The following DNAJC3 variants were observed in gnomAD, a reference collection of about 807,000 sequenced individuals.
DNAJC3 encodes the protein DnaJ heat shock protein family (Hsp40) member C3.
Under a neutral mutation model 68.6 loss-of-function variants are expected in DNAJC3, and 38 were observed. The observed-to-expected ratio is 0.55, with a 90% CI of 0.43 to 0.73. The LOEUF (loss-of-function observed/expected upper bound fraction) is 0.73, where lower values mean the gene tolerates loss of function less well. DNAJC3 is among the 30% of genes least tolerant of loss of function. The pLI is 0.00. For synonymous variants in DNAJC3, 203 were observed against 204.0 expected, an observed-to-expected ratio of 1.00 and a Z score of 0.04; for missense variants, 526 against 591.9, an observed-to-expected ratio of 0.89 and a Z score of 1.16.
chr13:95,691,533 G>T, intron 1 of DNAJC3, among the ~76,000 whole-genome samples: 1 of 149,960 alleles, frequency 6.7e-6, no homozygotes, highest in East Asian at 2.0e-4. Context: ...TTCCTAGATG[G>T]GATGGCGGCC....
chr13:95,705,778 G>A (rs374698484), intron 1 of DNAJC3, among the ~76,000 whole-genome samples: 1 of 152,124 alleles, frequency 6.6e-6, no homozygotes, highest in African/African-American at 2.4e-5. Context: ...GCCTCAAGCA[G>A]TTCTCCTGCC....
chr13:95,747,046 C>T (rs1882325270), intron 4 of DNAJC3, among the ~76,000 whole-genome samples: 1 of 152,052 alleles, frequency 6.6e-6, no homozygotes, highest in Admixed American at 6.6e-5. Flanking sequence ...AGGCAGTTTT[C>T]CATGAGATCC....
intron 1 of DNAJC3, chr13:95,694,981 A>T (rs917777986): frequency 6.6e-6 from 1 of 152,554 alleles, no homozygotes; most frequent in Non-Finnish European, 1.5e-5. Context: ...ATGAGGCCAA[A>T]TATCATTCTG....
At chr13:95,726,796 T>C (rs1426241533) in intron 4 of DNAJC3, among the ~76,000 whole-genome samples, 1 of 152,236 alleles carries the variant, frequency 6.6e-6, no homozygotes, top group Non-Finnish European at 1.5e-5. Flanking sequence ...TTTGCATTTT[T>C]TATAGTTTAT....
At chr13:95,741,978 G>A (rs1017390320) in intron 4 of DNAJC3, among the ~76,000 whole-genome samples, 6 of 152,182 alleles carry the variant, frequency 3.9e-5, no homozygotes, top group African/African-American at 1.4e-4. Context: ...GGGTAAGGGT[G>A]GGGTGATCCC....
At chr13:95,781,808 TG>T (rs1341997660) in intron 9 of DNAJC3, among the ~76,000 whole-genome samples, 3 of 151,430 alleles carry the variant, frequency 2.0e-5, no homozygotes, top group Admixed American at 6.6e-5. Flanking sequence ...TGTGTGTGTG[TG>T]TTTTTTTTTT....
chr13:95,718,681 A>G (rs1014228146), intron 2 of DNAJC3, among the ~76,000 whole-genome samples: 9 of 152,232 alleles, frequency 5.9e-5, no homozygotes, highest in Non-Finnish European at 1.2e-4. Context: ...TATTACAGGC[A>G]TGAGCCACTG....
At chr13:95,730,984 C>T (rs1198594079) in intron 4 of DNAJC3, among the ~76,000 whole-genome samples, 1 of 152,030 alleles carries the variant, frequency 6.6e-6, no homozygotes, top group Admixed American at 6.6e-5. Context: ...TTTCTTTCAT[C>T]AGTATTTTGT....
intron 4 of DNAJC3, among the ~76,000 whole-genome samples, chr13:95,736,016 A>G (rs1416133363): frequency 6.6e-6 from 1 of 152,106 alleles, no homozygotes; most frequent in African/African-American, 2.4e-5. Context: ...TAAGGAAGGG[A>G]TCCAGTTTCA....
intron 7 of DNAJC3, among the ~76,000 whole-genome samples, chr13:95,762,263 T>TA (rs59576762): frequency 2.0e-5 from 3 of 151,742 alleles, no homozygotes; most frequent in East Asian, 1.9e-4. Context: ...ACTCCGTCTC[T>TA]AAAAAAAATG....
intron 1 of DNAJC3, among the ~76,000 whole-genome samples, chr13:95,699,033 A>T (rs1322345982): frequency 6.6e-6 from 1 of 152,210 alleles, no homozygotes; most frequent in East Asian, 1.9e-4. Context: ...CTGGATTTGA[A>T]GGAAGGTAAG....
intron 4 of DNAJC3, among the ~76,000 whole-genome samples, chr13:95,738,690 A>G (rs1043225180): frequency 5.3e-5 from 8 of 151,796 alleles, no homozygotes; most frequent in African/African-American, 1.7e-4. Context: ...ATCTTCCTCC[A>G]TCCTTTTATT....
At chr13:95,704,729 C>T (rs2139620489) in intron 1 of DNAJC3, among the ~76,000 whole-genome samples, 1 of 152,266 alleles carries the variant, frequency 6.6e-6, no homozygotes, top group Non-Finnish European at 1.5e-5. Flanking sequence ...GTCTCTTTCC[C>T]ACCCATGGTG....
intron 4 of DNAJC3, among the ~76,000 whole-genome samples, chr13:95,726,962 A>G (rs1317506399): frequency 3.0e-4 from 45 of 152,246 alleles, no homozygotes; most frequent in Admixed American, 2.7e-3. Context: ...TGTGGTCTCA[A>G]TAAAATCGGC....
intron 4 of DNAJC3, among the ~76,000 whole-genome samples, chr13:95,729,899 A>G (rs1482281719): frequency 6.6e-6 from 1 of 152,002 alleles, no homozygotes; most frequent in African/African-American, 2.4e-5. Context: ...TATTCTGTAT[A>G]TTAGTTGCTT....
Position 95,760,276 on chromosome 13 carries a change from A to G in DNAJC3, c.728+55A>G, listed in dbSNP as rs185349099. On this transcript the variant is annotated intron_variant, in intron 6 of 11. Transcript: ENST00000602402. ...TTTTTTAATTGTTGGCAGTAAGATT[A>G]CCTCATCTTGTTTTAACATTTTAAT... The G allele has an allele frequency of 1.2e-4, 164 of 1,384,834 alleles. No individual in the cohort carries two copies. The African/African-American group carries it at 2.1e-3, about 17-fold the overall frequency. 85.8% of individuals were successfully genotyped at this position (1,384,834 alleles called of 1,614,324 possible). A position where few individuals can be genotyped will look rare whatever the true frequency, so the allele number is the denominator to read the frequency against.
intron 1 of DNAJC3, among the ~76,000 whole-genome samples, chr13:95,696,982 C>T (rs909124258): frequency 6.6e-6 from 1 of 152,014 alleles, no homozygotes; most frequent in Non-Finnish European, 1.5e-5. Flanking sequence ...ATCCAGTTTG[C>T]CGTTGTATCT....
chr13:95,736,175 A>G (rs1881910704), intron 4 of DNAJC3, among the ~76,000 whole-genome samples: 1 of 152,022 alleles, frequency 6.6e-6, no homozygotes, highest in South Asian at 2.1e-4. Context: ...TGTTCCATTG[A>G]TCTATATCTC....
At chr13:95,773,609 C>G (rs1566511240) in intron 9 of DNAJC3, among the ~76,000 whole-genome samples, 1 of 151,160 alleles carries the variant, frequency 6.6e-6, no homozygotes, top group African/African-American at 2.4e-5. Flanking sequence ...ATAATATTAT[C>G]TTATTATTTA....
Sources: gnomAD v4.1 joint callset for allele counts (sites outside exome capture counted in the v4.1 genomes callset) on GRCh38, gnomAD v4.1.1 for gene constraint, MANE v1.5 for transcripts, NCBI Gene and HGNC (gene_info 2026-07-23, HGNC 2026-07-21) for gene names.